The following SLC4A10 variants were observed in gnomAD, a reference collection of about 807,000 sequenced individuals.
The protein encoded by SLC4A10 is sodium-driven chloride bicarbonate exchanger.
In SLC4A10, 42 loss-of-function variants were observed where a neutral mutation model predicts 137.7. The ratio of observed to expected loss-of-function variants is 0.30; its 90% CI spans 0.24 to 0.39. The LOEUF (loss-of-function observed/expected upper bound fraction) is 0.39. Ranked by LOEUF, SLC4A10 falls within the 10% of genes least tolerant of loss-of-function variation. The pLI, the probability that SLC4A10 is intolerant of heterozygous loss-of-function variation, is 1.00. For missense variants in SLC4A10, 925 were observed against 1,355.0 expected (o/e 0.68, Z 4.98); for synonymous variants, 474 against 464.1 (o/e 1.02, Z -0.27).
chr2:161,806,551 A>G (rs2055982082), intron 3 of SLC4A10, among the ~76,000 whole-genome samples: 1 of 152,088 alleles, frequency 6.6e-6, no homozygotes, highest in Non-Finnish European at 1.5e-5. Context: ...ACCCTAAATC[A>G]TCTCTCTCAA....
intron 4 of SLC4A10, 26 bp from the exon 5 acceptor site, chr2:161,854,944 T>G (rs1479242867): frequency 2.7e-5 from 43 of 1,597,238 alleles, no homozygotes; most frequent in Non-Finnish European, 3.5e-5. Flanking sequence ...TAATATAAAC[T>G]GTGCTGATAA....
intron 1 of SLC4A10, among the ~76,000 whole-genome samples, chr2:161,744,393 A>G (rs1050218186): frequency 6.6e-6 from 1 of 152,072 alleles, no homozygotes; most frequent in Non-Finnish European, 1.5e-5. Context: ...ATGATCATAT[A>G]GTTTTTGTCC....
chr2:161,880,985 C>A (rs918151937), intron 9 of SLC4A10, among the ~76,000 whole-genome samples: 1 of 151,794 alleles, frequency 6.6e-6, no homozygotes, highest in East Asian at 1.9e-4. Context: ...ACTGAGATAG[C>A]AAAATATGTG....
At chr2:161,899,253 A>G (rs1328331228) in intron 11 of SLC4A10, among the ~76,000 whole-genome samples, 2 of 152,160 alleles carry the variant, frequency 1.3e-5, no homozygotes, top group East Asian at 3.9e-4. Context: ...ATTAGCATAC[A>G]ATACTATTAA....
chr2:161,912,363 A>G (rs1192672968), intron 15 of SLC4A10, among the ~76,000 whole-genome samples: 1 of 152,104 alleles, frequency 6.6e-6, no homozygotes, highest in Non-Finnish European at 1.5e-5. Flanking sequence ...TTATGTGGCT[A>G]TGTTTTGGTG....
rs766176397 is a variant in SLC4A10, at chr2:161,855,069, T to C, written c.516T>C (p.Ser172=). ...TGCACAGCTTGTTTGAATTGAGAAGTTGTATTCTGAATGGAACTGTGTTGC... is the reference window on the plus strand; with the variant it reads ...TGCACAGCTTGTTTGAATTGAGAAGCTGTATTCTGAATGGAACTGTGTTGC... ...LSLHSLFELR[S]CILNGTVLLD... The change falls in exon 5 of 27, where the codon AGT becomes AGC. Residue 172 remains serine (S), a synonymous_variant. Coordinates refer to ENST00000446997, the MANE Select transcript of SLC4A10 (RefSeq NM_001178015.2). 2.5e-6 allele frequency: 4 copies of C among 1,613,354 alleles called. No homozygotes were observed. The highest frequency in any genetic ancestry group is 3.4e-6 in the Non-Finnish European group (4 of 1,179,596).
chr2:161,624,495 C>A lies in SLC4A10; in HGVS notation c.-24C>A, dbSNP rs2031850827. The stretch of plus-strand genomic sequence containing the variant: ...ACTGAAGACACTGCAGAGCAAGGTG[C>A]TTATTCCAGAGGCGTTACAAAACAT... On this transcript the variant is annotated 5_prime_UTR_variant, in exon 1 of 27. Transcript: ENST00000446997. The A allele has an allele frequency of 6.4e-7, 1 of 1,552,518 alleles. No individual in the cohort carries two copies. The highest frequency in any genetic ancestry group is 1.4e-5 in the African/African-American group (1 of 73,180).
At chr2:161,752,563 G>A (rs752328235) in intron 1 of SLC4A10, among the ~76,000 whole-genome samples, 1 of 151,954 alleles carries the variant, frequency 6.6e-6, no homozygotes. Context: ...TATGCTCATT[G>A]CATTATTCAT....
chr2:161,891,595 A>T lies in SLC4A10; in HGVS notation c.1195-3084A>T, dbSNP rs1414877337. ...CTTCCGCTTGATTGATTCAGCTATCAATACTTCTGTATGCTTCACGAAGTT... is the reference window on the plus strand; with the variant it reads ...CTTCCGCTTGATTGATTCAGCTATCTATACTTCTGTATGCTTCACGAAGTT... On this transcript the variant is annotated intron_variant, in intron 10 of 26. Coordinates refer to ENST00000446997, the MANE Select transcript of SLC4A10 (RefSeq NM_001178015.2). 8.6e-5 allele frequency among the ~76,000 whole-genome samples: 13 copies of T among 151,818 alleles called. No individual in the cohort carries two copies. The Admixed American group carries it at 8.6e-4, about 10-fold the overall frequency.
chr2:161,740,281 A>G (rs1477512068), intron 1 of SLC4A10, among the ~76,000 whole-genome samples: 2 of 152,158 alleles, frequency 1.3e-5, no homozygotes, highest in South Asian at 2.1e-4. Flanking sequence ...AGCTCCTCAC[A>G]CAATTCCAGA....
intron 1 of SLC4A10, among the ~76,000 whole-genome samples, chr2:161,714,278 T>A (rs749048110): frequency 2.6e-5 from 4 of 151,978 alleles, no homozygotes; most frequent in African/African-American, 4.8e-5. Context: ...TTTCAGTGCT[T>A]GTCTTAGAAT....
At chr2:161,976,910 AT>A (rs1484146575) in intron 25 of SLC4A10, 34 bp downstream of exon 25, 1 of 1,146,622 alleles carries the variant, frequency 8.7e-7, no homozygotes, top group Non-Finnish European at 1.2e-6. Flanking sequence ...ATTTATACTA[AT>A]TCCAATTGTT....
In SLC4A10 at chr2:161,827,924, T is replaced by C. The variant is rs114796929; in HGVS notation, c.278-11865T>C. ...TTTTTACATCTATAATTTCCTCTTT[T>C]GGGGCTTGGTCCAATCTTCTGGGAG... is the stretch of plus-strand genomic sequence containing the variant. On this transcript the variant is annotated intron_variant, in intron 3 of 26. Transcript: ENST00000446997. 6.3e-3 allele frequency among the ~76,000 whole-genome samples: 960 copies of C among 152,316 alleles called. 11 individuals carry two copies. Among genetic ancestry groups the C allele is most frequent in the African/African-American group, 0.022 (901 of 41,574 alleles).
At chr2:161,692,105 G>A (rs954623022) in intron 1 of SLC4A10, among the ~76,000 whole-genome samples, 23 of 151,708 alleles carry the variant, frequency 1.5e-4, no homozygotes, top group Non-Finnish European at 2.5e-4. Flanking sequence ...CTTAAACAAA[G>A]AAAAGAAAAA....
chr2:161,733,556 C>A (rs2047023172), intron 1 of SLC4A10, among the ~76,000 whole-genome samples: 1 of 152,242 alleles, frequency 6.6e-6, no homozygotes, highest in African/African-American at 2.4e-5. Flanking sequence ...TTTGCTAGGG[C>A]AGTGCAGACG....
rs550963888 is a variant in SLC4A10 at position 161,872,304 on chromosome 2, G to A, written c.778G>A (p.Val260Ile). Residue 260 changes from valine (V) to isoleucine (I), a missense_variant, in exon 7 of 27, where the codon GTT (valine) becomes ATT (isoleucine). Val to Ile is a conservative substitution (Grantham distance 29). Coordinates refer to ENST00000446997, the MANE Select transcript of SLC4A10 (RefSeq NM_001178015.2). The stretch of plus-strand genomic sequence containing the variant: ...ACAATCTCTTTTAGCAGGTCAGGTT[G>A]TTTCTCCTCAGTCTGCTCCAGCCTG... ...NSMDKNAGQV[V>I]SPQSAPACVE... The A allele has an allele frequency of 1.9e-5, 31 of 1,613,358 alleles. 2 individuals are homozygous for A. In the South Asian group the frequency reaches 2.6e-4, roughly 14 times the overall value.
chr2:161,913,458 A>C (rs549784319), intron 15 of SLC4A10, among the ~76,000 whole-genome samples: 2 of 152,226 alleles, frequency 1.3e-5, no homozygotes, highest in Non-Finnish European at 2.9e-5. Flanking sequence ...TACAATAGCT[A>C]TAAAAAATTG....
intron 10 of SLC4A10, among the ~76,000 whole-genome samples, chr2:161,882,977 T>A (rs999858057): frequency 6.6e-6 from 1 of 152,126 alleles, no homozygotes; most frequent in Admixed American, 6.6e-5. Context: ...AATTTTTCTA[T>A]GTAAAAAATT....
intron 1 of SLC4A10, among the ~76,000 whole-genome samples, chr2:161,693,857 C>G (rs1036787663): frequency 2.0e-5 from 3 of 151,816 alleles, no homozygotes; most frequent in African/African-American, 7.3e-5. Flanking sequence ...CACATTTTCT[C>G]TATCCATTCG....
Sources: allele counts gnomAD v4.1 joint callset (sites outside exome capture counted in the v4.1 genomes callset), GRCh38; gene constraint gnomAD v4.1.1; transcripts MANE v1.5; gene names NCBI Gene and HGNC (gene_info 2026-07-23, HGNC 2026-07-21).